Variants in MTSS2 observed in about 807,000 individuals in gnomAD.
MTSS2 encodes MTSS I-BAR domain containing 2.
In MTSS2, 27 loss-of-function variants were observed where a neutral mutation model predicts 67.1. The ratio of observed to expected loss-of-function variants is 0.40; its 90% confidence interval spans 0.30 to 0.55. The LOEUF is 0.55. Ranked by LOEUF, MTSS2 falls within the 20% of genes least tolerant of loss-of-function variation. MTSS2 has a pLI of 0.43. For synonymous variants in MTSS2, 624 were observed against 468.6 expected, an observed-to-expected ratio of 1.33 and a Z score of -4.28; for missense variants, 1,171 against 1,067.8, an observed-to-expected ratio of 1.10 and a Z score of -1.35.
intron 12 of MTSS2, 117 bp from the exon 13 acceptor site, chr16:70,665,213 GC>G (rs1303856591): frequency 4.1e-6 from 5 of 1,212,640 alleles, no homozygotes; most frequent in Non-Finnish European, 5.6e-6. Context: ...TCTCTGGTTC[GC>G]AATCACAGCC....
At chr16:70,667,278 C>CCAA (rs71387535) in intron 11 of MTSS2, among the ~76,000 whole-genome samples, 2 of 69,788 alleles carry the variant, frequency 2.9e-5, no homozygotes, top group Non-Finnish European at 5.1e-5. Flanking sequence ...GACTCTGTCT[C>CCAA]AAAAAAAAAA....
rs1266933418 is a variant in MTSS2, at chr16:70,662,459, T to G, written c.*1218A>C. ...GTGGGGGCCGTGCTGGGATGGCATC[T>G]CCTCCGGCAACAGAGAGTCAAAGCC... On this transcript the variant is annotated 3_prime_UTR_variant, in exon 15 of 15. Transcript: ENST00000338779. 1 of 152,348 alleles carries G rather than the reference T, an allele frequency of 6.6e-6. No homozygotes were observed. Among genetic ancestry groups the G allele is most frequent in the Non-Finnish European group, 1.5e-5 (1 of 68,084 alleles). 9.4% of individuals were successfully genotyped at this position (152,348 alleles called of 1,614,324 possible).
chr16:70,683,335 G>C (rs970943437), intron 1 of MTSS2, among the ~76,000 whole-genome samples: 1 of 152,230 alleles, frequency 6.6e-6, no homozygotes, highest in Non-Finnish European at 1.5e-5. Context: ...AGCAGGTGCT[G>C]CTCAGCCAGC....
Position 70,663,772 on chromosome 16 carries a change from CGCTGGTGGCG to C in MTSS2, c.2139_2148del (p.Ala714ThrfsTer51). 1 of 1,344,644 alleles carries C rather than the reference CGCTGGTGGCG, an allele frequency of 7.4e-7. No homozygotes were observed. The highest frequency in any genetic ancestry group is 9.8e-7 in the Non-Finnish European group (1 of 1,016,526). 83.3% of individuals were successfully genotyped at this position (1,344,644 alleles called of 1,614,324 possible). A position where few individuals can be genotyped will look rare whatever the true frequency, so the allele number is the denominator to read the frequency against. ...ACCAGCATGTCTTCGGCCGGGGGGT[CGCTGGTGGCG>C]GCTGGGGGTGGGGTGGGCGTCTCCT... On this transcript the variant is annotated frameshift_variant, in exon 15 of 15. Transcript: ENST00000338779. LOFTEE classifies it high-confidence loss of function.
At position 70,674,374 on chromosome 16, in the gene MTSS2, C is replaced by A; in HGVS notation, c.985G>T (p.Gly329Cys). 6.2e-7 allele frequency: 1 copy of A among 1,614,136 alleles called. No homozygotes were observed. The highest frequency in any genetic ancestry group is 1.1e-5 in the South Asian group (1 of 91,078). The change falls in exon 11 of 15, where the codon GGC becomes TGC. Residue 329 changes from glycine to cysteine, a missense_variant. This residue lies in a region of MTSS2 where 924 missense variants were observed against 756.0 expected (regional missense o/e 1.22). Transcript: ENST00000338779. The stretch of plus-strand genomic sequence containing the variant: ...TAGGTGGCGTCCTGGGAGACGAAGC[C>A]AGAGTCATGGGAGGAAACGCTGGAG... ...RLSSVSSHDS[G>C]FVSQDATYSK...
At position 70,663,035 on chromosome 16, in the gene MTSS2, C is replaced by CT. The variant is rs71151201; in HGVS notation, c.*641_*642insA. Reference sequence around the variant, plus strand: ...ACAGGGCCCCCAAGACCCCCCCCCCCAAGCAGCCCCTGGTTTCCTCCCTGA... The same window carrying CT: ...ACAGGGCCCCCAAGACCCCCCCCCCCTAAGCAGCCCCTGGTTTCCTCCCTGA... On this transcript the variant is annotated 3_prime_UTR_variant, in exon 15 of 15. Transcript: ENST00000338779. 3.3e-5 allele frequency: 5 copies of CT among 151,614 alleles called. No individual in the cohort carries two copies. The highest frequency in any genetic ancestry group is 7.3e-5 in the African/African-American group (3 of 40,854). The allele number at this position is 151,614 out of a possible 1,614,324, so 9.4% of individuals were successfully genotyped here.
chr16:70,675,176 A>G (rs1464941219), intron 10 of MTSS2, among the ~76,000 whole-genome samples: 2 of 151,834 alleles, frequency 1.3e-5, no homozygotes, highest in Non-Finnish European at 2.9e-5. Flanking sequence ...CTGTCCCAGC[A>G]CTTTGGGAGT....
Position 70,664,343 on chromosome 16 carries a change from G to C in MTSS2, c.1578C>G (p.Asn526Lys). Residue 526 changes from asparagine to lysine, a missense_variant, in exon 15 of 15, where the codon AAC becomes AAG. Around this residue, in one of 2 missense-constraint regions of MTSS2, gnomAD observed 924 missense variants for 756.0 expected, o/e 1.22. Coordinates refer to ENST00000338779, the MANE Select transcript of MTSS2 (RefSeq NM_138383.3). ...GCTTGGTCTGGATCAGGCGGCGGTA[G>C]TTCTGGGCGATGTTGCTGTTGCGCG... ...TIPRNSNIAQ[N>K]YRRLIQTKRP... is the part of the protein sequence containing the mutation. The C allele has an allele frequency of 6.3e-7, 1 of 1,598,124 alleles. No homozygotes were observed. Among genetic ancestry groups the C allele is most frequent in the Non-Finnish European group, 8.5e-7 (1 of 1,174,278 alleles).
chr16:70,680,873 G>C lies in MTSS2; in HGVS notation c.132-6C>G. 1 of 1,553,114 alleles carries C rather than the reference G, an allele frequency of 6.4e-7. No homozygotes were observed. The highest frequency in any genetic ancestry group is 8.7e-7 in the Non-Finnish European group (1 of 1,147,584). On this transcript the variant is annotated splice_region_variant and splice_polypyrimidine_tract_variant and intron_variant, in intron 2 of 14. Transcript: ENST00000338779. ...CAGCAGCCAGCACGGTGGTCCTGGG[G>C]AGAGGGACAACGGCATGGATGGTCG...
At position 70,664,081 on chromosome 16, in the gene MTSS2, C is replaced by T; in HGVS notation, c.1840G>A (p.Glu614Lys). 6.2e-7 allele frequency: 1 copy of T among 1,611,806 alleles called. No individual in the cohort carries two copies. The highest frequency in any genetic ancestry group is 8.5e-7 in the Non-Finnish European group (1 of 1,179,606). Residue 614 changes from glutamate (E) to lysine (K), a missense_variant, in exon 15 of 15, where the codon GAG becomes AAG. Glu to Lys is a moderately conservative substitution (Grantham distance 56, BLOSUM62 1). This residue lies in a region of MTSS2 where 924 missense variants were observed against 756.0 expected (regional missense o/e 1.22). Transcript: ENST00000338779. ...GTCTCGTCGGTATAGAAGACGCACTCCTCACTGCCCGCCCGTGTGGGCCCC... is the reference window on the plus strand; with the variant it reads ...GTCTCGTCGGTATAGAAGACGCACTTCTCACTGCCCGCCCGTGTGGGCCCC... ...YMGPTRAGSEECVFYTDETAS... is the reference protein window; with the variant it reads ...YMGPTRAGSEKCVFYTDETAS...
Position 70,685,905 on chromosome 16 carries a change from G to A in MTSS2, c.-114C>T, listed in dbSNP as rs2053444121. The stretch of plus-strand genomic sequence containing the variant: ...GCTCCGAGGCCGGGCCGGGCCTCCC[G>A]CCTCCAGGCTGCGCTCAGCGGCCGG... On this transcript the variant is annotated 5_prime_UTR_variant, in exon 1 of 15. Coordinates refer to ENST00000338779, the MANE Select transcript of MTSS2 (RefSeq NM_138383.3). 2 of 402,102 alleles carry A rather than the reference G, an allele frequency of 5.0e-6. No individual in the cohort carries two copies. The highest frequency in any genetic ancestry group is 2.3e-5 in the African/African-American group (1 of 43,546). The allele number at this position is 402,102 out of a possible 1,614,324, so 24.9% of individuals were successfully genotyped here. A position where few individuals can be genotyped will look rare whatever the true frequency, so the allele number is the denominator to read the frequency against.
At chr16:70,673,258 A>G (rs1241038927) in intron 11 of MTSS2, among the ~76,000 whole-genome samples, 4 of 152,230 alleles carry the variant, frequency 2.6e-5, no homozygotes, top group Non-Finnish European at 4.4e-5. Context: ...TTAAATAAAA[A>G]TAAATCCACA....
chr16:70,672,894 C>T (rs1437456652), intron 11 of MTSS2, among the ~76,000 whole-genome samples: 1 of 152,118 alleles, frequency 6.6e-6, no homozygotes, highest in Non-Finnish European at 1.5e-5. Context: ...GGCGCGGTTG[C>T]TCACACCTGT....
intron 1 of MTSS2, among the ~76,000 whole-genome samples, chr16:70,683,266 T>C (rs997028001): frequency 3.3e-5 from 5 of 152,184 alleles, no homozygotes. Flanking sequence ...CTCAGTTTCT[T>C]CACCTGTAAA....
At chr16:70,674,278 C>A in intron 11 of MTSS2, 28 bp downstream of exon 11, 1 of 1,603,164 alleles carries the variant, frequency 6.2e-7, no homozygotes, top group Non-Finnish European at 8.5e-7. Context: ...GCACCCCACC[C>A]TGACTGATCC....
intron 9 of MTSS2, 61 bp downstream of exon 9, chr16:70,677,731 C>T: frequency 1.5e-6 from 2 of 1,354,164 alleles, no homozygotes; most frequent in South Asian, 2.6e-5. Flanking sequence ...TGTTCCCAAC[C>T]TAGGGCAGCC....
Position 70,676,848 on chromosome 16 carries a change from C to G in MTSS2, c.830+33G>C, listed in dbSNP as rs1170349302. ...CCCCACTTCCTCTTGGGATACCGCC[C>G]CCCACACCCCTGGGAACCCCACCCC... On this transcript the variant is annotated intron_variant, in intron 10 of 14. Coordinates refer to ENST00000338779, the MANE Select transcript of MTSS2 (RefSeq NM_138383.3). 3.1e-6 allele frequency: 5 copies of G among 1,591,814 alleles called. No homozygotes were observed. The African/African-American group carries it at 4.0e-5, about 13-fold the overall frequency.
At position 70,678,376 on chromosome 16, in the gene MTSS2, G is replaced by GCA; in HGVS notation, c.498_499dup (p.Ala167ValfsTer25). The GCA allele has an allele frequency of 6.2e-7, 1 of 1,612,696 alleles. No homozygotes were observed. The highest frequency in any genetic ancestry group is 8.5e-7 in the Non-Finnish European group (1 of 1,179,896). The stretch of plus-strand genomic sequence containing the variant: ...GTACATGTCGTTGACGTCCTGCAGG[G>GCA]CACTGTCCAGCTGGGGCTGCAGGTC... On this transcript the variant is annotated frameshift_variant, in exon 8 of 15. Transcript: ENST00000338779. LOFTEE classifies it high-confidence loss of function.
chr16:70,675,073 A>G (rs2053072624), intron 10 of MTSS2, among the ~76,000 whole-genome samples: 1 of 151,856 alleles, frequency 6.6e-6, no homozygotes, highest in Non-Finnish European at 1.5e-5. Flanking sequence ...AGATTATGCC[A>G]CTGCACTCCA....
Sources: gnomAD v4.1 joint callset for allele counts (sites outside exome capture counted in the v4.1 genomes callset) on GRCh38, gnomAD v4.1.1 for gene constraint, gnomAD v4.1.1 regional missense constraint, MANE v1.5 for transcripts, NCBI Gene and HGNC (gene_info 2026-07-23, HGNC 2026-07-21) for gene names.